Variants in GLB1L2 observed in about 807,000 individuals in gnomAD.
GLB1L2 encodes galactosidase beta 1 like 2.
Under a neutral mutation model 84.1 loss-of-function variants are expected in GLB1L2, and 68 were observed. The ratio of observed to expected loss-of-function variants is 0.81; its 90% confidence interval spans 0.67 to 0.99. The LOEUF is 0.99. Ranked by LOEUF, GLB1L2 falls within the 50% of genes least tolerant of loss-of-function variation. The pLI is 0.00. For missense variants in GLB1L2, 762 were observed against 805.6 expected, an observed-to-expected ratio of 0.95 and a Z score of 0.66; for synonymous variants, 290 against 318.0, an observed-to-expected ratio of 0.91 and a Z score of 0.94.
chr11:134,374,346 G>T, intron 17 of GLB1L2, 90 bp downstream of exon 17: 3 of 1,099,432 alleles, frequency 2.7e-6, no homozygotes, highest in Non-Finnish European at 4.2e-6. Context: ...GGCGAGAGTC[G>T]TTGGTGGCTT....
At chr11:134,345,251 C>CTGAA in intron 4 of GLB1L2, 122 bp downstream of exon 4, 1 of 1,173,602 alleles carries the variant, frequency 8.5e-7, no homozygotes, top group Non-Finnish European at 1.2e-6. Flanking sequence ...CCATTCTGTA[C>CTGAA]TGAATTTCCT....
rs1048865638 is a variant in GLB1L2 at position 134,368,691 on chromosome 11, A to C, written c.937A>C (p.Asn313His). Residue 313 changes from asparagine to histidine, a missense_variant, in exon 10 of 19, where the codon AAC becomes CAC. By Grantham distance (68) the Asn-to-His change is moderately conservative. This residue lies in a region of GLB1L2 where 603 missense variants were observed against 611.7 expected (regional missense o/e 0.99). Coordinates refer to ENST00000535456, the MANE Select transcript of GLB1L2 (RefSeq NM_001370461.1). The part of the protein sequence containing the change: ...SAIVDAGSSI[N>H]LYMFHGGTNF... ...CATTGTGGACGCCGGCTCCTCCATC[A>C]ACCTCTACATGTTCCACGGAGGCAC... The C allele has an allele frequency of 2.5e-6, 4 of 1,613,856 alleles. No individual in the cohort carries two copies. In the African/African-American group the frequency reaches 4.0e-5, roughly 16 times the overall value.
rs750626221 is a variant in GLB1L2, at chr11:134,359,051, C to T, written c.652-9C>T. 1.9e-6 allele frequency: 3 copies of T among 1,576,968 alleles called. No individual in the cohort carries two copies. The highest frequency in any genetic ancestry group is 1.8e-5 in the Admixed American group (1 of 54,832). On this transcript the variant is annotated splice_polypyrimidine_tract_variant and intron_variant, in intron 6 of 18. Transcript: ENST00000535456. ...GGGCAGACGAGGGCTTGTCTCATTTCCCCCACAGGCACTGGAGGACCGTGG... is the reference window on the plus strand; with the variant it reads ...GGGCAGACGAGGGCTTGTCTCATTTTCCCCACAGGCACTGGAGGACCGTGG...
chr11:134,348,450 A>G (rs1943580523), intron 5 of GLB1L2, among the ~76,000 whole-genome samples: 1 of 152,226 alleles, frequency 6.6e-6, no homozygotes, highest in African/African-American at 2.4e-5. Flanking sequence ...GGTGGGCAGC[A>G]GGATGGCCGT....
intron 9 of GLB1L2, among the ~76,000 whole-genome samples, chr11:134,367,735 C>T (rs987784904): frequency 7.2e-5 from 11 of 152,190 alleles, no homozygotes; most frequent in Admixed American, 1.3e-4. Flanking sequence ...CATCACACTC[C>T]GCTGCATGTC....
Position 134,364,379 on chromosome 11 carries a change from C to A in GLB1L2, c.785C>A (p.Thr262Asn). The A allele has an allele frequency of 1.9e-6, 3 of 1,614,088 alleles. No individual in the cohort carries two copies. Among genetic ancestry groups the A allele is most frequent in the Non-Finnish European group, 2.5e-6 (3 of 1,179,914 alleles). Residue 262 changes from threonine (T) to asparagine (N), a missense_variant, in exon 8 of 19, where the codon ACC becomes AAC. By Grantham distance (65) the Thr-to-Asn change is moderately conservative (BLOSUM62 0). This residue lies in a region of GLB1L2 where 603 missense variants were observed against 611.7 expected (regional missense o/e 0.99). Transcript: ENST00000535456. ...QSTHELQLLTTFLFNVQGTQP... is the reference protein window; with the variant it reads ...QSTHELQLLTNFLFNVQGTQP... ...ACACACGAGCTGCAGCTACTGACCA[C>A]CTTTCTCTTCAACGTCCAGGTAAGT...
At chr11:134,358,610 C>T (rs1221303028) in intron 6 of GLB1L2, among the ~76,000 whole-genome samples, 3 of 152,266 alleles carry the variant, frequency 2.0e-5, no homozygotes, top group South Asian at 2.1e-4. Context: ...AAACCCACAC[C>T]GGCCAGCGTG....
chr11:134,372,039 C>T (rs959058723), intron 15 of GLB1L2, among the ~76,000 whole-genome samples: 48 of 152,322 alleles, frequency 3.2e-4, no homozygotes, highest in South Asian at 6.2e-4. Context: ...ACGCGTGCAT[C>T]GTCTGCGTGC....
In GLB1L2 at chr11:134,332,145, C is replaced by G; in HGVS notation, c.84C>G (p.Arg28=). Residue 28 remains arginine, a splice_region_variant and synonymous_variant, in exon 1 of 19, where the codon CGC becomes CGG. Coordinates refer to ENST00000535456, the MANE Select transcript of GLB1L2 (RefSeq NM_001370461.1). Reference sequence around the variant, plus strand: ...TCGTCTTGGGCTTCCTGGTGCTCCGCAGGTGAGAGAGAGCTTCGCGCAGCA... The same window carrying G: ...TCGTCTTGGGCTTCCTGGTGCTCCGGAGGTGAGAGAGAGCTTCGCGCAGCA... The part of the protein sequence containing the change: ...LLVVLGFLVL[R]RLDWSTLVPL... The G allele has an allele frequency of 6.4e-7, 1 of 1,569,184 alleles. No homozygotes were observed. The highest frequency in any genetic ancestry group is 8.6e-7 in the Non-Finnish European group (1 of 1,157,564).
intron 5 of GLB1L2, among the ~76,000 whole-genome samples, chr11:134,347,979 C>T (rs532237573): frequency 2.0e-5 from 3 of 152,076 alleles, no homozygotes; most frequent in South Asian, 2.1e-4. Flanking sequence ...TCAAAACATG[C>T]GTTAAAGTAC....
chr11:134,356,065 T>G, intron 5 of GLB1L2: 1 of 643,370 alleles, frequency 1.6e-6, no homozygotes, highest in Middle Eastern at 2.5e-4. Flanking sequence ...GTTAGACACT[T>G]AAATGGTTTC....
In GLB1L2 at chr11:134,339,677, C is replaced by T. The variant is rs529107620; in HGVS notation, c.87-3077C>T. Among the ~76,000 whole-genome samples the T allele has an allele frequency of 6.6e-6, 1 of 152,116 alleles. No individual in the cohort carries two copies. The highest frequency in any genetic ancestry group is 6.5e-5 in the Admixed American group (1 of 15,286). On this transcript the variant is annotated intron_variant, in intron 1 of 18. Coordinates refer to ENST00000535456, the MANE Select transcript of GLB1L2 (RefSeq NM_001370461.1). This position sits in a 1 kb window ranked among gnomAD's most constrained non-coding sequence, Gnocchi z 5.7. ...ATAAAGACACTAGCAAAGACAAGCT[C>T]TATCCAGGGAGGGAGTCTACGTAGT...
chr11:134,348,381 A>G (rs59278384), intron 5 of GLB1L2, among the ~76,000 whole-genome samples: 39,153 of 152,110 alleles, frequency 0.26, 5,204 homozygotes, highest in South Asian at 0.46. Context: ...GCAAGGAACT[A>G]GGAAGTCATT....
intron 10 of GLB1L2, 61 bp downstream of exon 10, chr11:134,368,842 C>T: frequency 6.3e-7 from 1 of 1,579,450 alleles, no homozygotes; most frequent in South Asian, 1.1e-5. Context: ...CTGGGACTTG[C>T]TATGGAGAGG....
Position 134,375,014 on chromosome 11 carries a change from T to A in GLB1L2, c.1867T>A (p.Phe623Ile), listed in dbSNP as rs2136292632. ...GACGATGGCGGGCCCTGCATTACAG[T>A]TCACGGAAACCCCCCACCTGGGCAG... ...EETMAGPALQFTETPHLGRNQ... is the reference protein window; with the variant it reads ...EETMAGPALQITETPHLGRNQ... Residue 623 changes from phenylalanine to isoleucine, a missense_variant, in exon 19 of 19, where the codon TTC becomes ATC. Phe to Ile is a conservative substitution (Grantham distance 21). Coordinates refer to ENST00000535456, the MANE Select transcript of GLB1L2 (RefSeq NM_001370461.1). 1.2e-6 allele frequency: 2 copies of A among 1,613,856 alleles called. No individual in the cohort carries two copies. Among genetic ancestry groups the A allele is most frequent in the Non-Finnish European group, 1.7e-6 (2 of 1,179,974 alleles).
chr11:134,356,307 CG>C lies in GLB1L2; in HGVS notation c.566del (p.Arg189LeufsTer41). The C allele has an allele frequency of 6.2e-7, 1 of 1,613,650 alleles. No homozygotes were observed. The highest frequency in any genetic ancestry group is 8.5e-7 in the Non-Finnish European group (1 of 1,179,584). On this transcript the variant is annotated frameshift_variant, in exon 6 of 19. Coordinates refer to ENST00000535456, the MANE Select transcript of GLB1L2 (RefSeq NM_001370461.1). LOFTEE classifies it high-confidence loss of function. Reference protein sequence around the residue: ...MSRVVPLQYKRGGPIIAVQVE... With the variant: ...MSRVVPLQYKXGGPIIAVQVE... ...TTCTGTCTTTTCTCCGCAGTACAAG[CG>C]TGGGGGACCTATCATTGCCGTGCAG...
intron 14 of GLB1L2, 23 bp downstream of exon 14, chr11:134,371,515 G>A (rs753548120): frequency 1.4e-5 from 20 of 1,413,930 alleles, no homozygotes; most frequent in Non-Finnish European, 2.0e-5. Context: ...TGGGAGCTGG[G>A]TGATGGCTAG....
At position 134,370,717 on chromosome 11, in the gene GLB1L2, G is replaced by A. The variant is rs1249622567; in HGVS notation, c.1216-291G>A. Among the ~76,000 whole-genome samples, 2 of 152,142 alleles carry A rather than the reference G, an allele frequency of 1.3e-5. No homozygotes were observed. The highest frequency in any genetic ancestry group is 2.4e-5 in the African/African-American group (1 of 41,422). On this transcript the variant is annotated intron_variant, in intron 12 of 18. Transcript: ENST00000535456. This position sits in a 1 kb window ranked among gnomAD's most constrained non-coding sequence, Gnocchi z 4.7. ...CTCCAGCCTCAGAGAGGAGAGTGAG[G>A]GGCAGAGGAACAGGCCGTCCCCTCC...
intron 5 of GLB1L2, among the ~76,000 whole-genome samples, chr11:134,355,554 C>T (rs1943689201): frequency 6.6e-6 from 1 of 152,208 alleles, no homozygotes; most frequent in African/African-American, 2.4e-5. Flanking sequence ...TGTGTTCTGT[C>T]TGTATCTGTG....
Sources: allele counts gnomAD v4.1 joint callset (sites outside exome capture counted in the v4.1 genomes callset), GRCh38; gene constraint gnomAD v4.1.1; regional missense constraint gnomAD v4.1.1; non-coding constraint Gnocchi (gnomAD v3.1); transcripts MANE v1.5; gene names NCBI Gene and HGNC (gene_info 2026-07-23, HGNC 2026-07-21).